The following WDFY4 variants were observed in gnomAD, a reference collection of about 807,000 sequenced individuals.
The protein encoded by WDFY4 is WD repeat- and FYVE domain-containing protein 4.
Under a neutral mutation model 351.9 loss-of-function variants are expected in WDFY4, and 169 were observed. The ratio of observed to expected loss-of-function variants is 0.48; its 90% CI spans 0.42 to 0.55. The LOEUF (loss-of-function observed/expected upper bound fraction) is 0.55. Among genes scored for constraint, WDFY4 ranks in the 20% least tolerant of loss-of-function variants. The pLI is 0.00. For synonymous variants in WDFY4, 1,622 were observed against 1,574.6 expected (o/e 1.03, Z -0.71); for missense variants, 3,803 against 3,935.6 (o/e 0.97, Z 0.90).
At chr10:48,916,167 A>C (rs1425320424) in intron 47 of WDFY4, among the ~76,000 whole-genome samples, 1 of 152,212 alleles carries the variant, frequency 6.6e-6, no homozygotes, top group Non-Finnish European at 1.5e-5. Context: ...CAATCTGGCC[A>C]CAAGTTTCCT....
At chr10:48,803,393 C>A in intron 25 of WDFY4, 34 bp downstream of exon 25, 7 of 1,546,398 alleles carry the variant, frequency 4.5e-6, no homozygotes, top group East Asian at 2.4e-5. Context: ...GGGGTTAGAA[C>A]TGAAGGCTGA....
intron 2 of WDFY4, among the ~76,000 whole-genome samples, chr10:48,717,032 C>T (rs964086585): frequency 6.6e-6 from 1 of 152,200 alleles, no homozygotes; most frequent in African/African-American, 2.4e-5. Context: ...TAATTCAAAC[C>T]TTGACTCTGC....
chr10:48,964,381 T>G (rs1042296316), intron 54 of WDFY4, among the ~76,000 whole-genome samples: 1 of 152,254 alleles, frequency 6.6e-6, no homozygotes. Context: ...ACATATCAAG[T>G]GTTTGAAAGT....
chr10:48,951,109 T>A (rs1310097763), intron 51 of WDFY4, among the ~76,000 whole-genome samples: 1 of 152,248 alleles, frequency 6.6e-6, no homozygotes, highest in East Asian at 1.9e-4. Flanking sequence ...GAGTGTTTTA[T>A]TCCCTTCAGG....
intron 17 of WDFY4, among the ~76,000 whole-genome samples, chr10:48,777,947 C>T (rs1281741052): frequency 2.0e-5 from 3 of 152,238 alleles, no homozygotes; most frequent in Non-Finnish European, 4.4e-5. Flanking sequence ...GAGATGGACA[C>T]ATTACCTGCC....
chr10:48,886,693 G>A (rs1360408885), intron 43 of WDFY4, among the ~76,000 whole-genome samples: 1 of 152,170 alleles, frequency 6.6e-6, no homozygotes, highest in African/African-American at 2.4e-5. Context: ...CCAGTCTGGG[G>A]TATTCTGTTA....
intron 2 of WDFY4, among the ~76,000 whole-genome samples, chr10:48,712,654 T>C (rs552453146): frequency 2.6e-5 from 4 of 152,348 alleles, no homozygotes; most frequent in East Asian, 1.9e-4. Flanking sequence ...GGGAGATTTT[T>C]CTCAGGTGTA....
chr10:48,894,319 T>G (rs112764264), intron 44 of WDFY4, among the ~76,000 whole-genome samples: 1,986 of 152,314 alleles, frequency 0.013, 35 homozygotes, highest in African/African-American at 0.045. Context: ...CTGAAAGCAG[T>G]GAGCCAGTGG....
intron 11 of WDFY4, 174 bp downstream of exon 11, chr10:48,736,244 C>T (rs756407867): frequency 1.4e-6 from 1 of 703,838 alleles, no homozygotes; most frequent in Non-Finnish European, 2.5e-6. Context: ...TCCTCAGTAG[C>T]CTGGTACATT....
chr10:48,876,339 C>T (rs186967153), intron 42 of WDFY4, among the ~76,000 whole-genome samples: 15 of 152,328 alleles, frequency 9.8e-5, no homozygotes, highest in Admixed American at 2.0e-4. Flanking sequence ...ACCCTTATCC[C>T]AGAGAGACTT....
chr10:48,763,343 C>T (rs937624585), intron 13 of WDFY4, among the ~76,000 whole-genome samples: 2 of 152,264 alleles, frequency 1.3e-5, no homozygotes, highest in African/African-American at 4.8e-5. Flanking sequence ...CTTTGCAGCT[C>T]TCACAGACTG....
intron 1 of WDFY4, among the ~76,000 whole-genome samples, chr10:48,698,883 C>T (rs536324850): frequency 2.0e-5 from 3 of 152,186 alleles, no homozygotes; most frequent in South Asian, 4.1e-4. Flanking sequence ...AGAATTGTGG[C>T]GGCTGGCAAG....
intron 38 of WDFY4, among the ~76,000 whole-genome samples, chr10:48,831,351 A>C (rs1335386636): frequency 6.6e-6 from 1 of 152,254 alleles, no homozygotes; most frequent in African/African-American, 2.4e-5. Context: ...CAACATTTTT[A>C]TCATATTAGT....
chr10:48,827,301 T>C (rs1398991755), intron 36 of WDFY4, among the ~76,000 whole-genome samples: 2 of 151,928 alleles, frequency 1.3e-5, no homozygotes, highest in Non-Finnish European at 2.9e-5. Context: ...TATTGTGCAA[T>C]GCAGGAATAA....
chr10:48,787,577 C>T (rs531138383), intron 20 of WDFY4, among the ~76,000 whole-genome samples: 81 of 152,300 alleles, frequency 5.3e-4, no homozygotes, highest in African/African-American at 1.8e-3. Flanking sequence ...GGGTGTTTGC[C>T]GTGGCTGTGC....
intron 1 of WDFY4, among the ~76,000 whole-genome samples, chr10:48,702,818 G>C (rs2063517343): frequency 6.6e-6 from 1 of 152,198 alleles, no homozygotes; most frequent in Non-Finnish European, 1.5e-5. Context: ...TCCTTCCAAA[G>C]TGGCAGTGCC....
chr10:48,880,876 C>T (rs997908891), intron 43 of WDFY4, among the ~76,000 whole-genome samples: 1 of 151,848 alleles, frequency 6.6e-6, no homozygotes, highest in African/African-American at 2.4e-5. Flanking sequence ...AGATGCAGGC[C>T]CGGGGAGGTG....
At position 48,805,289 on chromosome 10, in the gene WDFY4, A is replaced by G; in HGVS notation, c.4514A>G (p.His1505Arg). The change falls in exon 26 of 62, where the codon CAC (histidine) becomes CGC (arginine). Residue 1505 changes from histidine to arginine, a missense_variant. By Grantham distance (29) the His-to-Arg change is conservative. Transcript: ENST00000325239. The part of the protein sequence containing the change: ...REGPRNAEAA[H>R]QAQLIPKLIF... ...GGACCCAGGAATGCTGAAGCTGCCC[A>G]CCAGGCACAGCTTATACCCAAGCTC... 6.5e-7 allele frequency: 1 copy of G among 1,546,218 alleles called. No homozygotes were observed. The highest frequency in any genetic ancestry group is 1.2e-5 in the South Asian group (1 of 84,064).
At chr10:48,690,760 C>T (rs1205194613) in intron 1 of WDFY4, among the ~76,000 whole-genome samples, 4 of 152,194 alleles carry the variant, frequency 2.6e-5, no homozygotes, top group Admixed American at 1.3e-4. Context: ...GTCATCCAGT[C>T]GTCTCTCCAT....
Sources: allele counts gnomAD v4.1 joint callset (sites outside exome capture counted in the v4.1 genomes callset), GRCh38; gene constraint gnomAD v4.1.1; transcripts MANE v1.5; gene names NCBI Gene and HGNC (gene_info 2026-07-23, HGNC 2026-07-21).